Variants in FRMD4A observed in about 807,000 individuals in gnomAD.
The protein encoded by FRMD4A is FERM domain-containing protein 4A.
FRMD4A carries 29 observed loss-of-function variants against 129.1 expected under a neutral mutation model. That is an observed-to-expected ratio of 0.22 (90% confidence interval 0.17 to 0.31). The LOEUF (loss-of-function observed/expected upper bound fraction) is 0.31, where lower values mean the gene tolerates loss of function less well. Among genes scored for constraint, FRMD4A ranks in the 10% least tolerant of loss-of-function variants. The pLI, the probability that FRMD4A is intolerant of heterozygous loss-of-function variation, is 1.00. For synonymous variants in FRMD4A, 634 were observed against 571.6 expected (o/e 1.11, Z -1.56); for missense variants, 1,272 against 1,375.8 (o/e 0.92, Z 1.19).
At chr10:14,031,388 C>T (rs1182905046) in intron 2 of FRMD4A, among the ~76,000 whole-genome samples, 1 of 152,064 alleles carries the variant, frequency 6.6e-6, no homozygotes, top group African/African-American at 2.4e-5. Context: ...CTGCCTTAGC[C>T]TCCTGAGTAG....
intron 12 of FRMD4A, among the ~76,000 whole-genome samples, chr10:13,720,057 A>G (rs2089270211): frequency 6.6e-6 from 1 of 151,880 alleles, no homozygotes; most frequent in East Asian, 1.9e-4. Flanking sequence ...GATGAGTTAT[A>G]TTCTTTTTTG....
intron 2 of FRMD4A, among the ~76,000 whole-genome samples, chr10:14,212,643 C>A (rs1257524002): frequency 6.6e-6 from 1 of 152,168 alleles, no homozygotes; most frequent in Non-Finnish European, 1.5e-5. Flanking sequence ...AGGAGGATGA[C>A]TGATACTTGT....
At chr10:13,854,171 C>A (rs1458607109) in intron 3 of FRMD4A, among the ~76,000 whole-genome samples, 1 of 152,178 alleles carries the variant, frequency 6.6e-6, no homozygotes, top group African/African-American at 2.4e-5. Context: ...GAAATTCTTA[C>A]TTAAATCATT....
intron 24 of FRMD4A, chr10:13,647,972 C>T (rs1167973890): frequency 6.6e-6 from 1 of 152,022 alleles, no homozygotes; most frequent in Admixed American, 6.6e-5. Flanking sequence ...GACCCTAACC[C>T]AAAGTAGTTC....
At chr10:13,707,802 G>C (rs2087622605) in intron 12 of FRMD4A, 1 of 985,240 alleles carries the variant, frequency 1.0e-6, no homozygotes, top group East Asian at 1.1e-4. Context: ...GCTGCGGCCA[G>C]AGTCTCTCCC....
rs1344173138 is a variant in FRMD4A, at chr10:13,693,952, T to C, written c.1063A>G (p.Met355Val). ...GTLKTSKLAN[M>V]GSKGKIISGS... is the part of the protein sequence containing the mutation. ...CTGATGATCTTCCCCTTGCTACCCA[T>C]GTTGGCCAGCTTCGAGGTCTTCAGC... The change falls in exon 15 of 25, where the codon ATG (methionine) becomes GTG (valine). Residue 355 changes from methionine (M) to valine (V), a missense_variant. Coordinates refer to ENST00000357447, the MANE Select transcript of FRMD4A (RefSeq NM_018027.5). 10 of 1,599,340 alleles carry C rather than the reference T, an allele frequency of 6.3e-6. No individual in the cohort carries two copies. Among genetic ancestry groups the C allele is most frequent in the African/African-American group, 1.4e-5 (1 of 73,968 alleles).
At chr10:13,742,942 G>T (rs2091091869) in intron 9 of FRMD4A, among the ~76,000 whole-genome samples, 1 of 152,156 alleles carries the variant, frequency 6.6e-6, no homozygotes, top group African/African-American at 2.4e-5. Context: ...CCTAGTCCTT[G>T]GGGGTAATTT....
At chr10:14,053,309 G>A (rs1834352177) in intron 2 of FRMD4A, among the ~76,000 whole-genome samples, 1 of 152,186 alleles carries the variant, frequency 6.6e-6, no homozygotes, top group Non-Finnish European at 1.5e-5. Flanking sequence ...GCAAAGGAGG[G>A]TGAGATCCCT....
At chr10:14,033,636 T>C (rs1833358812) in intron 2 of FRMD4A, among the ~76,000 whole-genome samples, 1 of 151,812 alleles carries the variant, frequency 6.6e-6, no homozygotes, top group African/African-American at 2.4e-5. Context: ...AATACAAAAA[T>C]TAGCTGGGCA....
chr10:14,119,663 G>A (rs1352973438), intron 2 of FRMD4A, among the ~76,000 whole-genome samples: 9 of 152,274 alleles, frequency 5.9e-5, no homozygotes, highest in African/African-American at 2.2e-4. Context: ...CATTGTTTGG[G>A]CTGCTCTCTG....
At chr10:14,108,996 T>C (rs7073200) in intron 2 of FRMD4A, among the ~76,000 whole-genome samples, 95,009 of 151,884 alleles carry the variant, frequency 0.63, 29,904 homozygotes, top group East Asian at 0.78. Flanking sequence ...CCCATTTTTG[T>C]ACTTTCTTGA....
chr10:14,330,030 G>C, intron 2 of FRMD4A, 28 bp downstream of exon 2: 1 of 1,550,954 alleles, frequency 6.4e-7, no homozygotes, highest in African/African-American at 1.4e-5. Context: ...GACGCTGCCC[G>C]GGCCCCACCT....
At chr10:14,072,714 G>A (rs146032323) in intron 2 of FRMD4A, among the ~76,000 whole-genome samples, 221 of 152,252 alleles carry the variant, frequency 1.5e-3, no homozygotes, top group African/African-American at 4.9e-3. Context: ...AAGAAACCAC[G>A]CTAATAAGCT....
At position 14,029,589 on chromosome 10, in the gene FRMD4A, T is replaced by C. The variant is rs182846733; in HGVS notation, c.46-170677A>G. ...AGCAGTGGTTTTCTATTCAGCAAGA[T>C]CACATATTTGAAGATCAGGTTTGGG... On this transcript the variant is annotated intron_variant, in intron 2 of 24. Transcript: ENST00000357447. 7.5e-4 allele frequency among the ~76,000 whole-genome samples: 114 copies of C among 152,282 alleles called. 1 individual carries two copies. The highest frequency in any genetic ancestry group is 2.5e-3 in the African/African-American group (104 of 41,566).
intron 2 of FRMD4A, among the ~76,000 whole-genome samples, chr10:13,870,308 A>T (rs1364990423): frequency 1.3e-5 from 2 of 152,228 alleles, no homozygotes; most frequent in Non-Finnish European, 2.9e-5. Flanking sequence ...GCTCTCTGAC[A>T]TCGGCCTCAC....
At chr10:13,830,743 A>T (rs1482344740) in intron 3 of FRMD4A, among the ~76,000 whole-genome samples, 1 of 152,204 alleles carries the variant, frequency 6.6e-6, no homozygotes, top group Non-Finnish European at 1.5e-5. Flanking sequence ...GTCACGCAGC[A>T]TCCCTGTGTG....
intron 2 of FRMD4A, among the ~76,000 whole-genome samples, chr10:14,272,782 G>A (rs1845206929): frequency 6.6e-6 from 1 of 152,148 alleles, no homozygotes; most frequent in Non-Finnish European, 1.5e-5. Flanking sequence ...ATATTGACTT[G>A]CCTTAATCTC....
intron 2 of FRMD4A, among the ~76,000 whole-genome samples, chr10:14,316,745 G>C (rs951754108): frequency 6.6e-6 from 1 of 152,178 alleles, no homozygotes; most frequent in Non-Finnish European, 1.5e-5. Context: ...GGAATATCAG[G>C]CTGAAGACAA....
At chr10:14,149,818 C>T (rs1483100113) in intron 2 of FRMD4A, among the ~76,000 whole-genome samples, 2 of 152,188 alleles carry the variant, frequency 1.3e-5, no homozygotes, top group Non-Finnish European at 2.9e-5. Context: ...GGTGGCACAC[C>T]TCATCCCGGC....
Sources: gnomAD v4.1 joint callset for allele counts (sites outside exome capture counted in the v4.1 genomes callset) on GRCh38, gnomAD v4.1.1 for gene constraint, MANE v1.5 for transcripts, NCBI Gene and HGNC (gene_info 2026-07-23, HGNC 2026-07-21) for gene names.